The following CDYL2 variants were observed in gnomAD, a reference collection of about 807,000 sequenced individuals.
CDYL2 encodes the protein chromodomain Y-like protein 2.
Under a neutral mutation model 49.4 loss-of-function variants are expected in CDYL2, and 23 were observed. The ratio of observed to expected loss-of-function variants is 0.47; its 90% CI spans 0.34 to 0.66. CDYL2 has a LOEUF of 0.66. Ranked by LOEUF, CDYL2 falls within the 30% of genes least tolerant of loss-of-function variation. The pLI is 0.01. For missense variants in CDYL2, 678 were observed against 656.4 expected, an observed-to-expected ratio of 1.03 and a Z score of -0.36; for synonymous variants, 360 against 268.8, an observed-to-expected ratio of 1.34 and a Z score of -3.32.
intron 1 of CDYL2, among the ~76,000 whole-genome samples, chr16:80,687,642 T>C (rs1057418922): frequency 5.3e-5 from 8 of 152,054 alleles, no homozygotes; most frequent in African/African-American, 9.7e-5. Context: ...AATGGATGGA[T>C]AGATTAATAG....
chr16:80,689,566 C>T (rs1286873025), intron 1 of CDYL2, among the ~76,000 whole-genome samples: 1 of 152,156 alleles, frequency 6.6e-6, no homozygotes, highest in Admixed American at 6.5e-5. Context: ...AGTTCCTAGC[C>T]ACATCTTGCC....
intron 1 of CDYL2, among the ~76,000 whole-genome samples, chr16:80,783,981 A>G (rs979550796): frequency 5.3e-5 from 8 of 152,236 alleles, no homozygotes; most frequent in Non-Finnish European, 8.8e-5. Context: ...ACTAGACAAC[A>G]TTGTGAAAGT....
chr16:80,688,037 A>C (rs184369555), intron 1 of CDYL2, among the ~76,000 whole-genome samples: 2 of 152,208 alleles, frequency 1.3e-5, no homozygotes, highest in African/African-American at 4.8e-5. Context: ...GAAGGTGGCT[A>C]TGCATAGTTG....
intron 2 of CDYL2, chr16:80,639,769 C>T (rs548641959): frequency 4.4e-6 from 2 of 455,588 alleles, no homozygotes; most frequent in South Asian, 1.6e-5. Flanking sequence ...CCCCCTGAAG[C>T]AGTAGTGTGG....
intron 1 of CDYL2, 91 bp downstream of exon 1, chr16:80,804,059 G>T: frequency 1.2e-6 from 1 of 862,062 alleles, no homozygotes; most frequent in Non-Finnish European, 1.4e-6. Flanking sequence ...ATTGCGCCCG[G>T]CCCCGGCCCC....
At chr16:80,698,476 A>G (rs891600557) in intron 1 of CDYL2, among the ~76,000 whole-genome samples, 1 of 152,172 alleles carries the variant, frequency 6.6e-6, no homozygotes, top group Non-Finnish European at 1.5e-5. Flanking sequence ...AAGACAATAT[A>G]CAAATGGCCA....
intron 2 of CDYL2, among the ~76,000 whole-genome samples, chr16:80,677,308 T>C (rs1347158983): frequency 6.6e-6 from 1 of 152,194 alleles, no homozygotes; most frequent in Non-Finnish European, 1.5e-5. Context: ...TCAGGCTTTC[T>C]AGCCCTCCTT....
chr16:80,766,839 C>T (rs567835982), intron 1 of CDYL2, among the ~76,000 whole-genome samples: 82 of 152,306 alleles, frequency 5.4e-4, no homozygotes, highest in African/African-American at 1.6e-3. Flanking sequence ...GCCACACAAT[C>T]CTTGCAGGTG....
intron 2 of CDYL2, among the ~76,000 whole-genome samples, chr16:80,636,154 A>G (rs1380920013): frequency 2.0e-5 from 3 of 152,222 alleles, no homozygotes; most frequent in Non-Finnish European, 4.4e-5. Context: ...ATGGGCAAAG[A>G]ATTCATGATT....
rs557193933 is a variant in CDYL2, at chr16:80,684,331, G to A, written c.616+207C>T. On this transcript the variant is annotated intron_variant, in intron 2 of 6. Coordinates refer to ENST00000570137, the MANE Select transcript of CDYL2 (RefSeq NM_152342.4). ...CCTTGGCTGGAGCATCAGAGGCTTA[G>A]CCTCCCCACATGCATGAGGGTCTGT... Among the ~76,000 whole-genome samples the A allele has an allele frequency of 3.9e-5, 6 of 152,270 alleles. No homozygotes were observed. In the South Asian group the frequency reaches 1.2e-3, roughly 32 times the overall value.
intron 1 of CDYL2, among the ~76,000 whole-genome samples, chr16:80,709,381 CAAAAAAAAA>C (rs11412766): frequency 3.2e-5 from 3 of 94,004 alleles, no homozygotes; most frequent in Non-Finnish European, 7.8e-5. Context: ...GACTCCATTT[CAAAAAAAAA>C]AAAAAAAGAA....
In CDYL2 at chr16:80,729,918, A is replaced by G. The variant is rs549932121; in HGVS notation, c.25-44789T>C. ...TTGAAACCAACGAGAACAAAGACAC[A>G]ACATACCAGAATCTCTGGGACGCAT... On this transcript the variant is annotated intron_variant, in intron 1 of 6. Transcript: ENST00000570137. Among the ~76,000 whole-genome samples, 646 of 152,342 alleles carry G rather than the reference A, an allele frequency of 4.2e-3. 5 individuals carry two copies. Among genetic ancestry groups the G allele is most frequent in the African/African-American group, 0.015 (622 of 41,572 alleles).
intron 1 of CDYL2, among the ~76,000 whole-genome samples, chr16:80,726,380 G>A (rs1355442327): frequency 6.6e-6 from 1 of 152,110 alleles, no homozygotes; most frequent in Admixed American, 6.5e-5. Context: ...AAATCCTACT[G>A]TAATTTACTA....
intron 1 of CDYL2, among the ~76,000 whole-genome samples, chr16:80,792,025 T>C (rs956017187): frequency 6.6e-6 from 1 of 152,156 alleles, no homozygotes; most frequent in African/African-American, 2.4e-5. Context: ...GCTGATTCAA[T>C]AGAACACACA....
At chr16:80,618,760 A>G (rs1597126940) in intron 4 of CDYL2, among the ~76,000 whole-genome samples, 1 of 152,052 alleles carries the variant, frequency 6.6e-6, no homozygotes. Flanking sequence ...CTGTTAACAG[A>G]CCCCATCCAG....
intron 1 of CDYL2, among the ~76,000 whole-genome samples, chr16:80,726,007 A>G (rs968555523): frequency 4.6e-5 from 7 of 152,230 alleles, no homozygotes; most frequent in African/African-American, 1.7e-4. Context: ...AATTTATTTA[A>G]GCTTCCTCCA....
In CDYL2 at chr16:80,722,734, A is replaced by G. The variant is rs1905040506; in HGVS notation, c.25-37605T>C. On this transcript the variant is annotated intron_variant, in intron 1 of 6. Transcript: ENST00000570137. ...AAGATACTGTGCTCCTTCTTTGTACAGGGCTAGGAGCTGGAATTCAAGGAT... is the reference window on the plus strand; with the variant it reads ...AAGATACTGTGCTCCTTCTTTGTACGGGGCTAGGAGCTGGAATTCAAGGAT... Among the ~76,000 whole-genome samples, 3 of 152,200 alleles carry G rather than the reference A, an allele frequency of 2.0e-5. No homozygotes were observed. The South Asian group carries it at 6.2e-4, about 32-fold the overall frequency.
At chr16:80,621,034 T>C (rs1907063192) in intron 3 of CDYL2, 99 bp from the exon 4 acceptor site, 3 of 1,328,098 alleles carry the variant, frequency 2.3e-6, no homozygotes, top group South Asian at 3.2e-5. Context: ...CCCCTGAGGG[T>C]AGAGGCCAGG....
At chr16:80,774,614 CT>C (rs1284171576) in intron 1 of CDYL2, among the ~76,000 whole-genome samples, 6 of 152,034 alleles carry the variant, frequency 3.9e-5, no homozygotes, top group African/African-American at 1.4e-4. Flanking sequence ...TTGATGGAAT[CT>C]TTCTGTAATA....
Sources: gnomAD v4.1 joint callset for allele counts (sites outside exome capture counted in the v4.1 genomes callset) on GRCh38, gnomAD v4.1.1 for gene constraint, MANE v1.5 for transcripts, NCBI Gene and HGNC (gene_info 2026-07-23, HGNC 2026-07-21) for gene names.